HCN1: variants seen among roughly 807,000 people sequenced by gnomAD.
The protein encoded by HCN1 is hyperpolarization activated cyclic nucleotide gated potassium channel 1, also known as potassium/sodium hyperpolarization-activated cyclic nucleotide-gated channel 1.
HCN1 carries 13 observed loss-of-function variants against 78.9 expected under a neutral mutation model. The observed-to-expected ratio is 0.16, with a 90% CI of 0.11 to 0.26. The LOEUF (loss-of-function observed/expected upper bound fraction) is 0.26. HCN1 is among the 10% of genes least tolerant of loss of function. The pLI, the probability that HCN1 is intolerant of heterozygous loss-of-function variation, is 1.00. For synonymous variants in HCN1, 552 were observed against 455.5 expected, an observed-to-expected ratio of 1.21 and a Z score of -2.70; for missense variants, 810 against 1,154.3, an observed-to-expected ratio of 0.70 and a Z score of 4.32.
At chr5:45,448,675 T>G (rs1335077229) in intron 3 of HCN1, among the ~76,000 whole-genome samples, 1 of 152,230 alleles carries the variant, frequency 6.6e-6, no homozygotes, top group African/African-American at 2.4e-5. Flanking sequence ...ACAGTACATC[T>G]GCTTGTACTC....
intron 6 of HCN1, among the ~76,000 whole-genome samples, chr5:45,285,723 A>G (rs989215523): frequency 2.6e-5 from 4 of 151,978 alleles, no homozygotes; most frequent in Admixed American, 1.3e-4. Flanking sequence ...AGATGTTCCT[A>G]ATTGACTAAT....
chr5:45,574,439 C>T (rs1204225553), intron 2 of HCN1, among the ~76,000 whole-genome samples: 1 of 152,036 alleles, frequency 6.6e-6, no homozygotes, highest in Non-Finnish European at 1.5e-5. Flanking sequence ...CAAACTTCAT[C>T]AATAAGTGTG....
chr5:45,603,298 G>A (rs181400388), intron 2 of HCN1, among the ~76,000 whole-genome samples: 27 of 152,062 alleles, frequency 1.8e-4, no homozygotes, highest in African/African-American at 2.7e-4. Context: ...TATATGGATC[G>A]TAGATGTTCT....
chr5:45,492,519 GTT>G (rs928476311), intron 2 of HCN1, among the ~76,000 whole-genome samples: 2 of 102,348 alleles, frequency 2.0e-5, no homozygotes, highest in Non-Finnish European at 1.9e-5. Context: ...CAGTTTTTTT[GTT>G]TTTTTTTTTT....
At chr5:45,492,711 A>T (rs1229868092) in intron 2 of HCN1, among the ~76,000 whole-genome samples, 1 of 151,886 alleles carries the variant, frequency 6.6e-6, no homozygotes, top group African/African-American at 2.4e-5. Context: ...CATGTTGCCC[A>T]GGCTGGTCTT....
intron 2 of HCN1, among the ~76,000 whole-genome samples, chr5:45,603,814 A>G (rs917068919): frequency 1.3e-5 from 2 of 152,114 alleles, no homozygotes; most frequent in Admixed American, 6.6e-5. Flanking sequence ...TAAAATTTCC[A>G]TATTAGTTAC....
chr5:45,685,750 T>G (rs943743134), intron 1 of HCN1, among the ~76,000 whole-genome samples: 1 of 151,782 alleles, frequency 6.6e-6, no homozygotes, highest in African/African-American at 2.4e-5. Context: ...AACTGCCTCA[T>G]GACTAGACCA....
intron 2 of HCN1, among the ~76,000 whole-genome samples, chr5:45,506,972 C>T (rs1392787842): frequency 6.6e-6 from 1 of 151,992 alleles, no homozygotes; most frequent in African/African-American, 2.4e-5. Flanking sequence ...TCACCAGCAA[C>T]AGTAAAGAGA....
At chr5:45,313,040 T>G (rs1271454545) in intron 5 of HCN1, among the ~76,000 whole-genome samples, 2 of 152,176 alleles carry the variant, frequency 1.3e-5, no homozygotes, top group African/African-American at 4.8e-5. Flanking sequence ...GCATGGAGTT[T>G]GAGATCTGAG....
intron 2 of HCN1, among the ~76,000 whole-genome samples, chr5:45,504,887 A>G (rs1257521420): frequency 2.0e-5 from 3 of 152,188 alleles, no homozygotes; most frequent in South Asian, 2.1e-4. Flanking sequence ...TGTTGGCTGC[A>G]TAAATGTCTT....
chr5:45,390,028 A>G (rs1276522033), intron 4 of HCN1, among the ~76,000 whole-genome samples: 3 of 152,182 alleles, frequency 2.0e-5, no homozygotes, highest in African/African-American at 7.2e-5. Context: ...CATTCAAATT[A>G]GACTATTCAA....
intron 3 of HCN1, among the ~76,000 whole-genome samples, chr5:45,415,386 G>T (rs1740099902): frequency 6.6e-6 from 1 of 151,892 alleles, no homozygotes; most frequent in Admixed American, 6.6e-5. Context: ...AACCTCTCAT[G>T]AGAATCACAA....
intron 5 of HCN1, among the ~76,000 whole-genome samples, chr5:45,330,551 C>T (rs1169625758): frequency 6.7e-6 from 1 of 150,212 alleles, no homozygotes; most frequent in Admixed American, 6.7e-5. Context: ...ATCATCTTGC[C>T]ATTCCTAGAA....
chr5:45,548,808 C>A (rs894856947), intron 2 of HCN1, among the ~76,000 whole-genome samples: 1 of 152,006 alleles, frequency 6.6e-6, no homozygotes, highest in African/African-American at 2.4e-5. Flanking sequence ...TCTCAGGATA[C>A]AAAATCAATG....
At chr5:45,426,897 T>G (rs1740362090) in intron 3 of HCN1, among the ~76,000 whole-genome samples, 1 of 152,164 alleles carries the variant, frequency 6.6e-6, no homozygotes, top group South Asian at 2.1e-4. Context: ...AATCTGAATT[T>G]GTAATAAAAT....
rs1747838001 is a variant in HCN1 at position 45,382,931 on chromosome 5, C to T, written c.1230+13561G>A. On this transcript the variant is annotated intron_variant, in intron 4 of 7. Transcript: ENST00000303230. Reference sequence around the variant, plus strand: ...AATTTGGAAAAATATAACTACTACACTACAGTAGAGAAAACTTTGGATCTT... The same window carrying T: ...AATTTGGAAAAATATAACTACTACATTACAGTAGAGAAAACTTTGGATCTT... Among the ~76,000 whole-genome samples, 2 of 152,130 alleles carry T rather than the reference C, an allele frequency of 1.3e-5. 1 individual carries two copies. Among genetic ancestry groups the T allele is most frequent in the Admixed American group, 1.3e-4 (2 of 15,264 alleles).
chr5:45,312,156 C>T (rs1745862780), intron 5 of HCN1, among the ~76,000 whole-genome samples: 2 of 152,176 alleles, frequency 1.3e-5, no homozygotes, highest in South Asian at 4.1e-4. Context: ...TTCAAGCACA[C>T]ACTTGGGTGA....
At chr5:45,639,295 C>G (rs1745411776) in intron 2 of HCN1, among the ~76,000 whole-genome samples, 1 of 152,106 alleles carries the variant, frequency 6.6e-6, no homozygotes, top group Non-Finnish European at 1.5e-5. Flanking sequence ...CAGAAAATAT[C>G]AGGCAATTCA....
chr5:45,480,132 T>C (rs1381652109), intron 2 of HCN1: 1 of 152,606 alleles, frequency 6.6e-6, no homozygotes, highest in African/African-American at 2.4e-5. Flanking sequence ...TACCTACCCA[T>C]GGTTTATACA....
Sources: gnomAD v4.1 joint callset for allele counts (sites outside exome capture counted in the v4.1 genomes callset) on GRCh38, gnomAD v4.1.1 for gene constraint, MANE v1.5 for transcripts, NCBI Gene and HGNC (gene_info 2026-07-23, HGNC 2026-07-21) for gene names.